ABCA3: variants seen among roughly 807,000 people sequenced by gnomAD.
The protein encoded by ABCA3 is ATP binding cassette subfamily A member 3.
A neutral mutation model predicts 172.8 loss-of-function variants in ABCA3; 88 were observed. That is an observed-to-expected ratio of 0.51 (90% confidence interval 0.43 to 0.61). The LOEUF (loss-of-function observed/expected upper bound fraction) is 0.61, where lower values mean the gene tolerates loss of function less well. Ranked by LOEUF, ABCA3 falls within the 20% of genes least tolerant of loss-of-function variation. ABCA3 has a pLI of 0.00. For missense variants in ABCA3, 2,164 were observed against 2,301.0 expected (o/e 0.94, Z 1.22); for synonymous variants, 1,066 against 983.8 (o/e 1.08, Z -1.56).
chr16:2,284,251 T>C lies in ABCA3; in HGVS notation c.3862+28A>G, dbSNP rs752013927. The C allele has an allele frequency of 1.2e-6, 2 of 1,606,190 alleles. No individual in the cohort carries two copies. Among genetic ancestry groups the C allele is most frequent in the African/African-American group, 1.3e-5 (1 of 74,924 alleles). On this transcript the variant is annotated intron_variant, in intron 25 of 32. Coordinates refer to ENST00000301732, the MANE Select transcript of ABCA3 (RefSeq NM_001089.3). The surrounding 1 kb of genome is among the most constrained non-coding windows in gnomAD (Gnocchi z 5.9). ...CCACGTCCTGAGGACGCAGGGGTGC[T>C]GCCCGGGGTCGGGGCTGGGACACTC...
chr16:2,292,013 CG>C, intron 19 of ABCA3, 126 bp downstream of exon 19: 1 of 713,348 alleles, frequency 1.4e-6, no homozygotes, highest in Non-Finnish European at 2.5e-6. Flanking sequence ...GCGGAGGTTG[CG>C]GTGAGCCGAG....
intron 26 of ABCA3, among the ~76,000 whole-genome samples, chr16:2,282,457 A>G (rs548207460): frequency 1.3e-5 from 2 of 152,364 alleles, no homozygotes; most frequent in South Asian, 4.1e-4. Flanking sequence ...ATTTTAAAGA[A>G]GTGAATTCCC....
intron 1 of ABCA3, among the ~76,000 whole-genome samples, chr16:2,336,685 C>T (rs2093752352): frequency 6.6e-6 from 1 of 151,004 alleles, no homozygotes. Context: ...AGCAATCCAC[C>T]CACCTCGGCC....
chr16:2,307,568 A>G (rs968145542), intron 11 of ABCA3, among the ~76,000 whole-genome samples: 1 of 152,036 alleles, frequency 6.6e-6, no homozygotes, highest in Non-Finnish European at 1.5e-5. Context: ...AAAAAAGAAA[A>G]AAAGTCCTCA....
chr16:2,320,784 G>C (rs1317362858), intron 7 of ABCA3, among the ~76,000 whole-genome samples: 1 of 152,134 alleles, frequency 6.6e-6, no homozygotes, highest in African/African-American at 2.4e-5. Flanking sequence ...ACCAGTCCCT[G>C]TGCCATGCCA....
chr16:2,289,731 G>T, intron 19 of ABCA3, 111 bp from the exon 20 acceptor site: 1 of 1,138,434 alleles, frequency 8.8e-7, no homozygotes, highest in Non-Finnish European at 1.3e-6. Context: ...TCCTTGGCTT[G>T]CTCATGCATC....
intron 11 of ABCA3, 152 bp downstream of exon 11, chr16:2,308,298 C>T: frequency 1.1e-6 from 1 of 944,302 alleles, no homozygotes; most frequent in Non-Finnish European, 1.6e-6. Context: ...CCAGCCCACA[C>T]TCAGCGCTGT....
chr16:2,298,527 G>C lies in ABCA3; in HGVS notation c.1755C>G (p.Pro585=), dbSNP rs323043. The change falls in exon 15 of 33, where the codon CCC becomes CCG. Residue 585 remains proline (P), a synonymous_variant. Coordinates refer to ENST00000301732, the MANE Select transcript of ABCA3 (RefSeq NM_001089.3). The part of the protein sequence containing the change: ...TLSMLTGLFP[P]TSGRAYISGY... ...CGCTGATGTATGCCCGTCCACTGGTGGGGGGAAAGAGACCTGGGGCCCAGC... is the reference window on the plus strand; with the variant it reads ...CGCTGATGTATGCCCGTCCACTGGTCGGGGGAAAGAGACCTGGGGCCCAGC... 279,498 of 1,613,380 alleles carry C rather than the reference G, an allele frequency of 0.17. 26,701 individuals are homozygous for C. Among genetic ancestry groups the C allele is most frequent in the Non-Finnish European group, 0.2 (230,405 of 1,179,880 alleles).
chr16:2,291,138 C>G (rs2093671346), intron 19 of ABCA3, among the ~76,000 whole-genome samples: 1 of 151,992 alleles, frequency 6.6e-6, no homozygotes, highest in Non-Finnish European at 1.5e-5. Flanking sequence ...GAGTTCCAGA[C>G]CAGCATGGCA....
chr16:2,285,021 T>C lies in ABCA3; in HGVS notation c.3484-23A>G, dbSNP rs2093660712. The C allele has an allele frequency of 2.5e-6, 4 of 1,606,412 alleles. No homozygotes were observed. Among genetic ancestry groups the C allele is most frequent in the Non-Finnish European group, 3.4e-6 (4 of 1,177,076 alleles). ...CACCTGCGGCGGCACAGGGAGGCGC[T>C]GCTGTGCATGCCAAGCTGAGAGGAG... is the stretch of plus-strand genomic sequence containing the variant. On this transcript the variant is annotated intron_variant, in intron 23 of 32. Transcript: ENST00000301732. The surrounding 1 kb of genome is among the most constrained non-coding windows in gnomAD (Gnocchi z 4.7).
At position 2,288,027 on chromosome 16, in the gene ABCA3, G is replaced by A. The variant is rs76519389; in HGVS notation, c.3003C>T (p.Leu1001=). Residue 1001 remains leucine (L), a splice_region_variant and synonymous_variant, in exon 21 of 33, where the codon CTC becomes CTT. Transcript: ENST00000301732. ...QAEGQEPREV[L]GDLEEFLIFR... ...TCCCGCCCCCGGGATGCCCCTTACC[G>A]AGCACCTCGCGGGGCTCCTGTCCCT... 83 of 1,605,376 alleles carry A rather than the reference G, an allele frequency of 5.2e-5. No homozygotes were observed. In the African/African-American group the frequency reaches 6.5e-4, roughly 13 times the overall value.
At chr16:2,332,882 T>A in intron 1 of ABCA3, 1 of 536,902 alleles carries the variant, frequency 1.9e-6, no homozygotes, top group African/African-American at 1.9e-5. Flanking sequence ...GCAGGGCTCA[T>A]CGCAGCCTGG....
In ABCA3 at chr16:2,278,263, A is replaced by G. The variant is rs2093649641; in HGVS notation, c.4718+25T>C. ...TGGCCCACCCGGTGCTGAAACTTCC[A>G]GTAACCCACAGACCCAGGCTCTACC... On this transcript the variant is annotated intron_variant, in intron 30 of 32. Coordinates refer to ENST00000301732, the MANE Select transcript of ABCA3 (RefSeq NM_001089.3). The surrounding 1 kb of genome is among the most constrained non-coding windows in gnomAD (Gnocchi z 4.4). 3.1e-6 allele frequency: 5 copies of G among 1,604,946 alleles called. No homozygotes were observed. The highest frequency in any genetic ancestry group is 4.2e-6 in the Non-Finnish European group (5 of 1,179,946).
At chr16:2,323,819 T>TC in intron 6 of ABCA3, 131 bp from the exon 7 acceptor site, 1 of 1,049,254 alleles carries the variant, frequency 9.5e-7, no homozygotes, top group Non-Finnish European at 1.5e-6. Flanking sequence ...TCTGAGTATC[T>TC]CCAACAGGCC....
At chr16:2,339,603 C>T (rs1228950976) in intron 1 of ABCA3, among the ~76,000 whole-genome samples, 1 of 152,212 alleles carries the variant, frequency 6.6e-6, no homozygotes, top group East Asian at 1.9e-4. Flanking sequence ...TGAACCTCTC[C>T]CACGTGCTCC....
Position 2,326,429 on chromosome 16 carries a change from T to C in ABCA3, c.38A>G (p.Lys13Arg). 1 of 1,612,984 alleles carries C rather than the reference T, an allele frequency of 6.2e-7. No homozygotes were observed. Among genetic ancestry groups the C allele is most frequent in the South Asian group, 1.1e-5 (1 of 90,896 alleles). Reference sequence around the variant, plus strand: ...TGGACGCACCTGCAGGGTGTAGTTCTTCCAGAGGAGGAGCGCCAGCTGCCT... The same window carrying C: ...TGGACGCACCTGCAGGGTGTAGTTCCTCCAGAGGAGGAGCGCCAGCTGCCT... Reference protein sequence around the residue: ...VLRQLALLLWKNYTLQKRKVL... With the variant: ...VLRQLALLLWRNYTLQKRKVL... The change falls in exon 4 of 33, where the codon AAG (lysine) becomes AGG (arginine). Residue 13 changes from lysine to arginine, a missense_variant. Lys to Arg is a conservative substitution (Grantham distance 26). This residue lies in a region of ABCA3 where 1,343 missense variants were observed against 1,369.6 expected (regional missense o/e 0.98). Transcript: ENST00000301732.
At position 2,283,319 on chromosome 16, in the gene ABCA3, G is replaced by A. The variant is rs762699052; in HGVS notation, c.3902C>T (p.Pro1301Leu). ...GGAGGCCACAAACCGGCCGACCCCCGGGGCGCTCCAGGCATAGAAGTTCTC... is the reference window on the plus strand; with the variant it reads ...GGAGGCCACAAACCGGCCGACCCCCAGGGCGCTCCAGGCATAGAAGTTCTC... ...YQENFYAWSA[P>L]GVGRFVASMA... The change falls in exon 26 of 33, where the codon CCG becomes CTG. Residue 1301 changes from proline (P) to leucine (L), a missense_variant. By Grantham distance (98) the Pro-to-Leu change is moderately conservative. This residue lies in a region of ABCA3 where 795 missense variants were observed against 881.9 expected (regional missense o/e 0.90). Coordinates refer to ENST00000301732, the MANE Select transcript of ABCA3 (RefSeq NM_001089.3). This position sits in a 1 kb window ranked among gnomAD's most constrained non-coding sequence, Gnocchi z 5.4. 21 of 1,613,068 alleles carry A rather than the reference G, an allele frequency of 1.3e-5. No individual in the cohort carries two copies. The highest frequency in any genetic ancestry group is 2.2e-5 in the East Asian group (1 of 44,882).
Position 2,284,959 on chromosome 16 carries a change from C to A in ABCA3, c.3523G>T (p.Asp1175Tyr), listed in dbSNP as rs1315147958. The A allele has an allele frequency of 1.2e-6, 2 of 1,613,818 alleles. No individual in the cohort carries two copies. Among genetic ancestry groups the A allele is most frequent in the Non-Finnish European group, 1.7e-6 (2 of 1,179,996 alleles). The change falls in exon 24 of 33, where the codon GAC (aspartate) becomes TAC (tyrosine). Residue 1175 changes from aspartate to tyrosine, a missense_variant. By Grantham distance (160) the Asp-to-Tyr change is radical. Transcript: ENST00000301732. The surrounding 1 kb of genome is among the most constrained non-coding windows in gnomAD (Gnocchi z 5.9). The part of the protein sequence containing the change: ...KAFDVRAFTR[D>Y]GHMADTLLLL... ...AGCAGGGTGTCAGCCATGTGGCCGT[C>A]CCGCGTGAAGGCACGCACGTCGAAG...
At chr16:2,304,211 A>G in intron 11 of ABCA3, 61 bp from the exon 12 acceptor site, 1 of 1,592,424 alleles carries the variant, frequency 6.3e-7, no homozygotes, top group Non-Finnish European at 8.6e-7. Flanking sequence ...CAGGGACCCG[A>G]AGCCCCTGAT....
Sources: gnomAD v4.1 joint callset for allele counts (sites outside exome capture counted in the v4.1 genomes callset) on GRCh38, gnomAD v4.1.1 for gene constraint, gnomAD v4.1.1 regional missense constraint, Gnocchi (gnomAD v3.1) non-coding constraint, MANE v1.5 for transcripts, NCBI Gene and HGNC (gene_info 2026-07-23, HGNC 2026-07-21) for gene names.